ENPP2: variants seen among roughly 807,000 people sequenced by gnomAD.
ENPP2 encodes the protein autotaxin.
A neutral mutation model predicts 120.2 loss-of-function variants in ENPP2; 51 were observed. That is an observed-to-expected ratio of 0.42 (90% CI 0.34 to 0.54). The LOEUF is 0.54. Among genes scored for constraint, ENPP2 ranks in the 20% least tolerant of loss-of-function variants. The pLI is 0.04. For missense variants in ENPP2, 920 were observed against 1,066.5 expected (o/e 0.86, Z 1.91); for synonymous variants, 365 against 366.4 (o/e 1.00, Z 0.04).
chr8:119,649,905 G>C (rs926612620), intron 1 of ENPP2, among the ~76,000 whole-genome samples: 12 of 152,306 alleles, frequency 7.9e-5, no homozygotes, highest in Middle Eastern at 3.4e-3. Flanking sequence ...AATACAAACT[G>C]TTAGGAAGGA....
intron 2 of ENPP2, among the ~76,000 whole-genome samples, chr8:119,631,431 T>C (rs1049259466): frequency 3.3e-5 from 5 of 151,710 alleles, no homozygotes; most frequent in African/African-American, 1.2e-4. Flanking sequence ...TTAGCCAGGA[T>C]GGTCTCGATC....
chr8:119,659,809 T>G (rs1817870860), intron 1 of ENPP2, among the ~76,000 whole-genome samples: 2 of 152,192 alleles, frequency 1.3e-5, no homozygotes, highest in Admixed American at 1.3e-4. Context: ...CTGAGGAAAA[T>G]TGCTTGTCTT....
chr8:119,557,914 T>C (rs549121034), intron 24 of ENPP2, among the ~76,000 whole-genome samples: 7 of 152,298 alleles, frequency 4.6e-5, no homozygotes, highest in East Asian at 1.9e-4. Flanking sequence ...CAATTAACTG[T>C]ACCAAATAAA....
At chr8:119,617,585 C>A in intron 5 of ENPP2, 22 bp from the exon 6 acceptor site, 1 of 1,503,378 alleles carries the variant, frequency 6.7e-7, no homozygotes. Flanking sequence ...ACACATTAAG[C>A]TTTTAGAAAC....
chr8:119,561,921 G>A (rs913842768), intron 24 of ENPP2, among the ~76,000 whole-genome samples: 4 of 151,236 alleles, frequency 2.6e-5, no homozygotes, highest in African/African-American at 4.9e-5. Flanking sequence ...GGTGGATCAC[G>A]AGGTCAGGAG....
chr8:119,625,843 G>T (rs190298498), intron 3 of ENPP2, among the ~76,000 whole-genome samples: 1 of 152,164 alleles, frequency 6.6e-6, no homozygotes, highest in Non-Finnish European at 1.5e-5. Flanking sequence ...GTACATCCTA[G>T]TAACTGTTCC....
At chr8:119,622,470 C>A (rs373644571) in intron 3 of ENPP2, among the ~76,000 whole-genome samples, 1 of 152,192 alleles carries the variant, frequency 6.6e-6, no homozygotes, top group African/African-American at 2.4e-5. Flanking sequence ...TCTGAACATA[C>A]CTGATTGACA....
intron 11 of ENPP2, among the ~76,000 whole-genome samples, chr8:119,595,620 T>A (rs1813829538): frequency 1.3e-5 from 2 of 152,134 alleles, no homozygotes; most frequent in South Asian, 4.1e-4. Flanking sequence ...GGCAACTAAC[T>A]CTTAAAAAAA....
At chr8:119,586,966 G>A (rs1587399727) in intron 14 of ENPP2, 78 bp downstream of exon 14, 5 of 1,222,232 alleles carry the variant, frequency 4.1e-6, no homozygotes, top group Middle Eastern at 1.9e-4. Flanking sequence ...CCCGCCGGGG[G>A]AGGCACACAC....
rs1814754657 is a variant in ENPP2, at chr8:119,569,307, G to A, written c.1981C>T (p.Pro661Ser). 2 of 1,614,008 alleles carry A rather than the reference G, an allele frequency of 1.2e-6. No individual in the cohort carries two copies. Among genetic ancestry groups the A allele is most frequent in the Non-Finnish European group, 1.7e-6 (2 of 1,179,978 alleles). The change falls in exon 21 of 25, where the codon CCG (proline) becomes TCG (serine). Residue 661 changes from proline to serine, a missense_variant. Physicochemically the swap from Pro to Ser is moderately conservative, Grantham distance 74. Transcript: ENST00000075322. ...GCCAAACAGTTCTGACTGAAACTCG[G>A]AGAAACACGGACATCAGGCCGGACG... Reference protein sequence around the residue: ...SCVRPDVRVSPSFSQNCLAYK... With the variant: ...SCVRPDVRVSSSFSQNCLAYK...
chr8:119,561,544 G>T (rs1445398398), intron 24 of ENPP2, among the ~76,000 whole-genome samples: 2 of 152,236 alleles, frequency 1.3e-5, no homozygotes, highest in East Asian at 3.9e-4. Context: ...AAAAGGACCT[G>T]AAGGTTTTTC....
intron 18 of ENPP2, 23 bp downstream of exon 18, chr8:119,582,395 A>G: frequency 6.2e-7 from 1 of 1,600,968 alleles, no homozygotes; most frequent in Non-Finnish European, 8.6e-7. Context: ...CTTCTCCATA[A>G]TAAACATAAA....
At chr8:119,628,573 T>C (rs1315799688) in intron 2 of ENPP2, among the ~76,000 whole-genome samples, 3 of 152,138 alleles carry the variant, frequency 2.0e-5, no homozygotes, top group Non-Finnish European at 4.4e-5. Flanking sequence ...AAGAGGACTA[T>C]TGCACACTCC....
At chr8:119,595,636 A>C (rs964626276) in intron 11 of ENPP2, among the ~76,000 whole-genome samples, 2 of 152,192 alleles carry the variant, frequency 1.3e-5, no homozygotes, top group African/African-American at 4.8e-5. Flanking sequence ...AAAAAGGAAA[A>C]GACTTCTTTT....
At chr8:119,590,742 T>C in intron 12 of ENPP2, 112 bp from the exon 13 acceptor site, 1 of 682,738 alleles carries the variant, frequency 1.5e-6, no homozygotes, top group Non-Finnish European at 2.3e-6. Context: ...AGTAACTTAA[T>C]GGGAAGAGCC....
intron 1 of ENPP2, among the ~76,000 whole-genome samples, chr8:119,666,295 C>A (rs945131554): frequency 9.9e-5 from 15 of 151,796 alleles, no homozygotes; most frequent in Admixed American, 4.6e-4. Flanking sequence ...TTTTAAAAAT[C>A]GAAAATTTGC....
intron 9 of ENPP2, among the ~76,000 whole-genome samples, chr8:119,605,649 G>A (rs1190805262): frequency 8.1e-6 from 1 of 122,792 alleles, no homozygotes; most frequent in African/African-American, 3.2e-5. Flanking sequence ...TTTTTTTTTA[G>A]GAGAGACGAG....
At chr8:119,586,969 G>A in intron 14 of ENPP2, 75 bp downstream of exon 14, 1 of 1,260,132 alleles carries the variant, frequency 7.9e-7, no homozygotes, top group South Asian at 1.2e-5. Context: ...GCCGGGGGAG[G>A]CACACACAGG....
chr8:119,592,342 A>C (rs570001228), intron 12 of ENPP2, among the ~76,000 whole-genome samples: 1 of 152,054 alleles, frequency 6.6e-6, no homozygotes, highest in African/African-American at 2.4e-5. Flanking sequence ...GCCTGGTGGC[A>C]GGTGCCTGTA....
Sources: gnomAD v4.1 joint callset for allele counts (sites outside exome capture counted in the v4.1 genomes callset) on GRCh38, gnomAD v4.1.1 for gene constraint, MANE v1.5 for transcripts, NCBI Gene and HGNC (gene_info 2026-07-23, HGNC 2026-07-21) for gene names.